The following PLEKHA2 variants were observed in gnomAD, a reference collection of about 807,000 sequenced individuals.
PLEKHA2 encodes the protein pleckstrin homology domain containing A2.
Under a neutral mutation model 53.2 loss-of-function variants are expected in PLEKHA2, and 28 were observed. That is an observed-to-expected ratio of 0.53 (90% confidence interval 0.39 to 0.72). PLEKHA2 has a LOEUF of 0.72. Among genes scored for constraint, PLEKHA2 ranks in the 30% least tolerant of loss-of-function variants. PLEKHA2 has a pLI of 0.00. For synonymous variants in PLEKHA2, 193 were observed against 196.4 expected, an observed-to-expected ratio of 0.98 and a Z score of 0.14; for missense variants, 426 against 537.9, an observed-to-expected ratio of 0.79 and a Z score of 2.06.
chr8:38,942,111 G>A (rs1834622589), intron 3 of PLEKHA2, among the ~76,000 whole-genome samples: 1 of 152,138 alleles, frequency 6.6e-6, no homozygotes, highest in Non-Finnish European at 1.5e-5. Context: ...GCCCGTTAAA[G>A]TAGCAGCCAG....
chr8:38,919,982 T>C (rs1197623413), intron 2 of PLEKHA2, among the ~76,000 whole-genome samples: 1 of 151,856 alleles, frequency 6.6e-6, no homozygotes, highest in Non-Finnish European at 1.5e-5. Flanking sequence ...TTTTCTCTCT[T>C]TTTTTTTGAG....
At chr8:38,964,385 C>T (rs183948965) in intron 10 of PLEKHA2, among the ~76,000 whole-genome samples, 2 of 152,194 alleles carry the variant, frequency 1.3e-5, no homozygotes, top group East Asian at 1.9e-4. Context: ...GGATCGGCAG[C>T]GGCATTAAAT....
chr8:38,963,615 T>C (rs779854641), intron 10 of PLEKHA2, among the ~76,000 whole-genome samples: 4 of 152,228 alleles, frequency 2.6e-5, no homozygotes, highest in Non-Finnish European at 5.9e-5. Flanking sequence ...GGCTCATGCC[T>C]GTAATCCCAG....
rs1032900917 is a variant in PLEKHA2 at position 38,939,111 on chromosome 8, C to T, written c.198+3061C>T. ...TAGAGACGGGGTTTCACCATGTTGACCAGGCTGGTCTCGAACTCCTGACCT... is the reference window on the plus strand; with the variant it reads ...TAGAGACGGGGTTTCACCATGTTGATCAGGCTGGTCTCGAACTCCTGACCT... On this transcript the variant is annotated intron_variant, in intron 3 of 11. Transcript: ENST00000617275. 3.9e-5 allele frequency among the ~76,000 whole-genome samples: 6 copies of T among 152,156 alleles called. No individual in the cohort carries two copies. The East Asian group carries it at 9.7e-4, about 25-fold the overall frequency.
intron 1 of PLEKHA2, among the ~76,000 whole-genome samples, chr8:38,912,405 G>T (rs1478812659): frequency 6.6e-6 from 1 of 152,208 alleles, no homozygotes; most frequent in Non-Finnish European, 1.5e-5. Flanking sequence ...CTTGGCAGGG[G>T]ATTTGGGGGT....
At chr8:38,926,946 A>C (rs916104840) in intron 2 of PLEKHA2, among the ~76,000 whole-genome samples, 3 of 152,200 alleles carry the variant, frequency 2.0e-5, no homozygotes, top group Admixed American at 6.5e-5. Context: ...ACAAACAAAC[A>C]AAAAACTAAG....
chr8:38,940,124 G>A (rs559774294), intron 3 of PLEKHA2, among the ~76,000 whole-genome samples: 28 of 147,950 alleles, frequency 1.9e-4, no homozygotes, highest in African/African-American at 3.0e-4. Context: ...AGGGCCAGGC[G>A]TGGTGGCTCA....
intron 4 of PLEKHA2, among the ~76,000 whole-genome samples, chr8:38,945,331 A>G (rs1834691931): frequency 6.6e-6 from 1 of 152,170 alleles, no homozygotes; most frequent in African/African-American, 2.4e-5. Flanking sequence ...TGCTCAGTAA[A>G]TATTTGTCAA....
intron 2 of PLEKHA2, among the ~76,000 whole-genome samples, chr8:38,929,340 T>G (rs1834346514): frequency 6.6e-6 from 1 of 152,262 alleles, no homozygotes; most frequent in African/African-American, 2.4e-5. Context: ...CAAGAGCCAG[T>G]TGGACAAGTT....
At chr8:38,942,156 C>G (rs929460881) in intron 3 of PLEKHA2, among the ~76,000 whole-genome samples, 3 of 152,110 alleles carry the variant, frequency 2.0e-5, no homozygotes, top group Non-Finnish European at 4.4e-5. Flanking sequence ...AATCCCAGCA[C>G]TTTGTGAGGC....
At chr8:38,968,967 C>T (rs1835191334) in intron 11 of PLEKHA2, 1 of 342,152 alleles carries the variant, frequency 2.9e-6, no homozygotes, top group Non-Finnish European at 5.3e-6. Context: ...GGCACGATCT[C>T]AGCTTACTGC....
intron 2 of PLEKHA2, among the ~76,000 whole-genome samples, chr8:38,930,344 GGC>G: frequency 6.6e-6 from 1 of 152,172 alleles, no homozygotes; most frequent in Non-Finnish European, 1.5e-5. Flanking sequence ...TGGGATTACA[GGC>G]GCATGCCACT....
intron 9 of PLEKHA2, among the ~76,000 whole-genome samples, chr8:38,954,658 G>A (rs1389186760): frequency 1.3e-5 from 2 of 152,096 alleles, no homozygotes; most frequent in Non-Finnish European, 1.5e-5. Flanking sequence ...CCCAGTCCAG[G>A]GTTTTAGGAT....
intron 1 of PLEKHA2, among the ~76,000 whole-genome samples, chr8:38,907,782 T>A: frequency 6.6e-6 from 1 of 150,378 alleles, no homozygotes; most frequent in East Asian, 1.9e-4. Context: ...AAAATTAATC[T>A]ATTCATCTTT....
rs958801348 is a variant in PLEKHA2 at position 38,971,553 on chromosome 8, T to C, written c.*1770T>C. 3.3e-5 allele frequency: 5 copies of C among 152,230 alleles called. No individual in the cohort carries two copies. The highest frequency in any genetic ancestry group is 1.2e-4 in the African/African-American group (5 of 41,460). 9.4% of individuals were successfully genotyped at this position (152,230 alleles called of 1,614,324 possible). ...GTGGAACTCATGAAAATAGGGACTT[T>C]TGATATCTCTTTAAATATTCCCTGA... is the stretch of plus-strand genomic sequence containing the variant. On this transcript the variant is annotated 3_prime_UTR_variant, in exon 12 of 12. Transcript: ENST00000617275.
intron 3 of PLEKHA2, among the ~76,000 whole-genome samples, chr8:38,940,298 C>T (rs1834580440): frequency 6.6e-6 from 1 of 152,044 alleles, no homozygotes; most frequent in Non-Finnish European, 1.5e-5. Flanking sequence ...ACTTGGGAGG[C>T]TGAGGCAGGA....
chr8:38,960,207 A>G (rs1186458875), intron 10 of PLEKHA2, among the ~76,000 whole-genome samples: 2 of 152,272 alleles, frequency 1.3e-5, no homozygotes, highest in Non-Finnish European at 2.9e-5. Flanking sequence ...GTCACACTGA[A>G]TAAGTAAACG....
intron 1 of PLEKHA2, among the ~76,000 whole-genome samples, chr8:38,907,495 T>C (rs1833894854): frequency 6.6e-6 from 1 of 152,224 alleles, no homozygotes; most frequent in South Asian, 2.1e-4. Context: ...TAAATCTATC[T>C]GGCTGGGCAC....
chr8:38,905,103 G>A (rs961868045), intron 1 of PLEKHA2, among the ~76,000 whole-genome samples: 1 of 152,142 alleles, frequency 6.6e-6, no homozygotes, highest in African/African-American at 2.4e-5. Context: ...TGGATGGGAT[G>A]GGTAACTGAA....
Sources: allele counts gnomAD v4.1 joint callset (sites outside exome capture counted in the v4.1 genomes callset), GRCh38; gene constraint gnomAD v4.1.1; transcripts MANE v1.5; gene names NCBI Gene and HGNC (gene_info 2026-07-23, HGNC 2026-07-21).